The following PRKN variants were observed in gnomAD, a reference collection of about 807,000 sequenced individuals.
PRKN encodes E3 ubiquitin-protein ligase parkin.
Under a neutral mutation model 59.5 loss-of-function variants are expected in PRKN, and 56 were observed. The ratio of observed to expected loss-of-function variants is 0.94; its 90% CI spans 0.76 to 1.18. PRKN has a LOEUF of 1.18. PRKN is among the 50% of genes most tolerant of loss of function. The pLI is 0.00. For synonymous variants in PRKN, 250 were observed against 222.1 expected (o/e 1.13, Z -1.12); for missense variants, 657 against 596.4 (o/e 1.10, Z -1.06).
In PRKN at chr6:161,518,567, C is replaced by T. The variant is rs1051389316; in HGVS notation, c.1083+30287G>A. 2.6e-5 allele frequency among the ~76,000 whole-genome samples: 4 copies of T among 152,180 alleles called. No homozygotes were observed. Among genetic ancestry groups the T allele is most frequent in the African/African-American group, 9.6e-5 (4 of 41,452 alleles). On this transcript the variant is annotated intron_variant, in intron 9 of 11. Transcript: ENST00000366898. The surrounding 1 kb of genome is among the most constrained non-coding windows in gnomAD (Gnocchi z 5.0). ...CACATCTGCCCTTGCTGGGTTCCAC[C>T]ACCTTCTGGCAAAGAGCATTATTGG... is the stretch of plus-strand genomic sequence containing the variant.
intron 7 of PRKN, among the ~76,000 whole-genome samples, chr6:161,666,188 G>A (rs548202115): frequency 7.2e-5 from 11 of 152,274 alleles, no homozygotes; most frequent in East Asian, 1.9e-4. Context: ...CCAACCTCCC[G>A]AGCCATGGAC....
Position 161,534,076 on chromosome 6 carries a change from A to G in PRKN, c.1083+14778T>C, listed in dbSNP as rs1222846580. On this transcript the variant is annotated intron_variant, in intron 9 of 11. Transcript: ENST00000366898. ...CCCTGGAAGCCCTTGCCTGGCCTCC[A>G]TTGTCTGCAGGATGAAGTACTGAAT... Among the ~76,000 whole-genome samples the G allele has an allele frequency of 2.6e-5, 4 of 151,694 alleles. No individual in the cohort carries two copies. In the East Asian group the frequency reaches 7.8e-4, roughly 29 times the overall value.
intron 7 of PRKN, among the ~76,000 whole-genome samples, chr6:161,651,389 T>C (rs1320967423): frequency 6.6e-6 from 1 of 152,242 alleles, no homozygotes; most frequent in Admixed American, 6.5e-5. Context: ...TGTCAACCTG[T>C]ATGTTCCTCC....
At chr6:161,949,271 G>A (rs1239888493) in intron 6 of PRKN, among the ~76,000 whole-genome samples, 1 of 152,232 alleles carries the variant, frequency 6.6e-6, no homozygotes. Flanking sequence ...CAGCACTTTG[G>A]GAGGCCGAGG....
At chr6:161,802,446 C>T (rs1791124002) in intron 6 of PRKN, among the ~76,000 whole-genome samples, 1 of 151,322 alleles carries the variant, frequency 6.6e-6, no homozygotes, top group African/African-American at 2.4e-5. Context: ...ACGCCCCACA[C>T]ACACACCCCA....
At chr6:162,513,392 T>A (rs932249936) in intron 1 of PRKN, among the ~76,000 whole-genome samples, 1 of 149,222 alleles carries the variant, frequency 6.7e-6, no homozygotes, top group East Asian at 2.0e-4. Flanking sequence ...GGTGGGAGAG[T>A]CACTTGAACC....
At chr6:162,548,712 C>T (rs955825323) in intron 1 of PRKN, among the ~76,000 whole-genome samples, 19 of 152,082 alleles carry the variant, frequency 1.2e-4, no homozygotes, top group Admixed American at 2.6e-4. Context: ...CTGCAATGAG[C>T]TCAGGTGCAA....
At chr6:162,141,162 A>AT (rs1267673445) in intron 4 of PRKN, among the ~76,000 whole-genome samples, 2 of 145,586 alleles carry the variant, frequency 1.4e-5, no homozygotes, top group African/African-American at 5.3e-5. Flanking sequence ...AAAAATAAAA[A>AT]TAAAAAAGAT....
At chr6:162,610,325 C>T (rs1267136985) in intron 1 of PRKN, among the ~76,000 whole-genome samples, 2 of 152,286 alleles carry the variant, frequency 1.3e-5, no homozygotes, top group East Asian at 3.9e-4. Flanking sequence ...CTCTTCACCA[C>T]ATGCTATGGT....
intron 1 of PRKN, among the ~76,000 whole-genome samples, chr6:162,588,124 C>T (rs536795292): frequency 9.3e-4 from 141 of 151,270 alleles, no homozygotes; most frequent in African/African-American, 3.3e-3. Flanking sequence ...AATTCTCCTA[C>T]CTCAGCCTCC....
intron 3 of PRKN, among the ~76,000 whole-genome samples, chr6:162,244,425 A>G (rs533647917): frequency 6.6e-6 from 1 of 151,686 alleles, no homozygotes; most frequent in East Asian, 1.9e-4. Flanking sequence ...TGGAAACCCA[A>G]GTTCACAAAA....
At chr6:161,793,068 G>C (rs567888943) in intron 6 of PRKN, among the ~76,000 whole-genome samples, 47 of 152,278 alleles carry the variant, frequency 3.1e-4, no homozygotes, top group Non-Finnish European at 6.9e-4. Flanking sequence ...CACGTGGGTC[G>C]TATGAGTTCA....
intron 1 of PRKN, among the ~76,000 whole-genome samples, chr6:162,543,581 AG>A (rs1779005273): frequency 6.6e-6 from 1 of 152,136 alleles, no homozygotes; most frequent in Non-Finnish European, 1.5e-5. Context: ...GCAAAACAAA[AG>A]GACCTTCCCC....
chr6:161,781,612 C>T (rs974582657), intron 7 of PRKN, among the ~76,000 whole-genome samples: 3 of 151,974 alleles, frequency 2.0e-5, no homozygotes, highest in Admixed American at 6.6e-5. Flanking sequence ...AAAGAACCAC[C>T]GAAATTAAAG....
At chr6:162,276,775 T>A (rs889955870) in intron 2 of PRKN, among the ~76,000 whole-genome samples, 1 of 151,994 alleles carries the variant, frequency 6.6e-6, no homozygotes, top group African/African-American at 2.4e-5. Flanking sequence ...ATATACTTTT[T>A]TCGCTTAATT....
intron 7 of PRKN, among the ~76,000 whole-genome samples, chr6:161,630,306 A>G (rs1046808214): frequency 4.6e-5 from 7 of 152,086 alleles, no homozygotes; most frequent in African/African-American, 1.7e-4. Context: ...AACGTGGCCA[A>G]TCAGCGCAAC....
intron 6 of PRKN, among the ~76,000 whole-genome samples, chr6:161,858,263 A>G (rs1398016922): frequency 6.6e-6 from 1 of 152,194 alleles, no homozygotes; most frequent in East Asian, 1.9e-4. Flanking sequence ...ATGAGACATG[A>G]TATGTGAAGC....
chr6:161,950,215 C>T (rs928344314), intron 6 of PRKN, among the ~76,000 whole-genome samples: 1 of 152,152 alleles, frequency 6.6e-6, no homozygotes, highest in South Asian at 2.1e-4. Context: ...GCAGACAACA[C>T]AGAAAACATG....
chr6:162,251,117 C>T (rs1419849977), intron 3 of PRKN, among the ~76,000 whole-genome samples: 6 of 152,088 alleles, frequency 3.9e-5, no homozygotes, highest in African/African-American at 1.4e-4. Flanking sequence ...TGATTTGTCC[C>T]AGGCCTAAAA....
Sources: gnomAD v4.1 joint callset for allele counts (sites outside exome capture counted in the v4.1 genomes callset) on GRCh38, gnomAD v4.1.1 for gene constraint, Gnocchi (gnomAD v3.1) non-coding constraint, MANE v1.5 for transcripts, NCBI Gene and HGNC (gene_info 2026-07-23, HGNC 2026-07-21) for gene names.